CDH4: variants seen among roughly 807,000 people sequenced by gnomAD.
The protein encoded by CDH4 is cadherin 4, also known as cadherin-4.
Under a neutral mutation model 86.0 loss-of-function variants are expected in CDH4, and 33 were observed. The observed-to-expected ratio is 0.38, with a 90% CI of 0.29 to 0.51. CDH4 has a LOEUF of 0.51. CDH4 is among the 20% of genes least tolerant of loss of function. The probability of loss-of-function intolerance (pLI) is 0.86; values close to 1 mark genes in which losing one functional copy is unlikely to be tolerated. For missense variants in CDH4, 1,114 were observed against 1,307.4 expected (o/e 0.85, Z 2.28); for synonymous variants, 555 against 549.4 (o/e 1.01, Z -0.14).
At chr20:61,413,123 C>T (rs2085128398) in intron 2 of CDH4, among the ~76,000 whole-genome samples, 1 of 152,144 alleles carries the variant, frequency 6.6e-6, no homozygotes, top group African/African-American at 2.4e-5. Context: ...TTCATGGCAC[C>T]CAAGGCCCCC....
intron 4 of CDH4, among the ~76,000 whole-genome samples, chr20:61,830,778 G>A (rs1269058069): frequency 2.0e-5 from 3 of 152,314 alleles, no homozygotes; most frequent in South Asian, 4.1e-4. Context: ...ATTTACTTCC[G>A]CTTCTGGGCG....
At chr20:61,476,734 A>T in intron 2 of CDH4, among the ~76,000 whole-genome samples, 1 of 152,210 alleles carries the variant, frequency 6.6e-6, no homozygotes, top group South Asian at 2.1e-4. Context: ...TATCGCTGTA[A>T]ACTTTTCTCA....
At chr20:61,859,426 C>G (rs1983217268) in intron 6 of CDH4, among the ~76,000 whole-genome samples, 1 of 152,220 alleles carries the variant, frequency 6.6e-6, no homozygotes, top group Non-Finnish European at 1.5e-5. Context: ...CATGCTTCCT[C>G]TTACGGAGCA....
chr20:61,850,035 C>A (rs1982642010), intron 5 of CDH4, among the ~76,000 whole-genome samples: 2 of 152,242 alleles, frequency 1.3e-5, no homozygotes, highest in Non-Finnish European at 2.9e-5. Context: ...ACGCTGACGA[C>A]TGTGACACGT....
intron 4 of CDH4, among the ~76,000 whole-genome samples, chr20:61,821,998 G>A (rs913204387): frequency 1.3e-5 from 2 of 152,268 alleles, no homozygotes; most frequent in African/African-American, 4.8e-5. Flanking sequence ...GTTCCACCCA[G>A]CGAGTGATGG....
intron 2 of CDH4, among the ~76,000 whole-genome samples, chr20:61,287,067 C>T (rs922703470): frequency 6.6e-6 from 1 of 152,162 alleles, no homozygotes. Context: ...AGGTCCCCTC[C>T]GTGCCCTGCT....
chr20:61,354,172 G>A (rs75255823), intron 2 of CDH4, among the ~76,000 whole-genome samples: 6 of 152,062 alleles, frequency 3.9e-5, no homozygotes, highest in Non-Finnish European at 5.9e-5. Flanking sequence ...TGCTTAGGAC[G>A]CCCCCCACCC....
At position 61,607,418 on chromosome 20, in the gene CDH4, C is replaced by T. The variant is rs554071467; in HGVS notation, c.170-136145C>T. ...TGTTTGGAAAATACACTTGATGTCT[C>T]ATACCCATTATTTATGATTTTCTCC... is the stretch of plus-strand genomic sequence containing the variant. On this transcript the variant is annotated intron_variant, in intron 2 of 15. Transcript: ENST00000614565. Among the ~76,000 whole-genome samples, 4 of 152,274 alleles carry T rather than the reference C, an allele frequency of 2.6e-5. No homozygotes were observed. In the East Asian group the frequency reaches 5.8e-4, roughly 22 times the overall value.
chr20:61,513,874 A>G (rs2085797930), intron 2 of CDH4, among the ~76,000 whole-genome samples: 1 of 152,038 alleles, frequency 6.6e-6, no homozygotes, highest in African/African-American at 2.4e-5. Context: ...CTGTTACTGA[A>G]CCCATCTGGG....
rs1477314853 is a variant in CDH4 at position 61,380,278 on chromosome 20, A to T, written c.169+125341A>T. 3.9e-5 allele frequency among the ~76,000 whole-genome samples: 6 copies of T among 152,258 alleles called. No homozygotes were observed. The East Asian group carries it at 1.2e-3, about 29-fold the overall frequency. On this transcript the variant is annotated intron_variant, in intron 2 of 15. Coordinates refer to ENST00000614565, the MANE Select transcript of CDH4 (RefSeq NM_001794.5). ...AATCCATCTTACTATACACATTTTA[A>T]TGTTTGCAGCTAAATTAATACCTTT...
intron 8 of CDH4, among the ~76,000 whole-genome samples, chr20:61,901,911 G>A (rs1305397794): frequency 3.3e-5 from 5 of 152,216 alleles, no homozygotes; most frequent in Non-Finnish European, 7.3e-5. Flanking sequence ...GTCCGTCAGA[G>A]GTGGAAGTAA....
rs1568688293 is a variant in CDH4 at position 61,565,188 on chromosome 20, T to TGGTGGTGGTGGTGG, written c.170-178375_170-178374insGGTGGTGGTGGTGG. 2.1e-4 allele frequency among the ~76,000 whole-genome samples: 14 copies of TGGTGGTGGTGGTGG among 67,002 alleles called. 1 individual carries two copies. The highest frequency in any genetic ancestry group is 7.8e-4 in the African/African-American group (12 of 15,294). 44.0% of individuals were successfully genotyped at this position (67,002 alleles called of 152,430 possible). A position where few individuals can be genotyped will look rare whatever the true frequency, so the allele number is the denominator to read the frequency against. On this transcript the variant is annotated intron_variant, in intron 2 of 15. Transcript: ENST00000614565. ...GGTGATGGGGTGGTGGTGGTGGTGG[T>TGGTGGTGGTGGTGG]CCTCTTGGTGGTGGTCGCGGTGCTC...
At chr20:61,339,326 T>C (rs1006146948) in intron 2 of CDH4, among the ~76,000 whole-genome samples, 1 of 152,024 alleles carries the variant, frequency 6.6e-6, no homozygotes, top group Non-Finnish European at 1.5e-5. Context: ...CTGATGGTGA[T>C]GATGATGATG....
chr20:61,376,608 G>A (rs1464998630), intron 2 of CDH4, among the ~76,000 whole-genome samples: 1 of 152,180 alleles, frequency 6.6e-6, no homozygotes, highest in East Asian at 1.9e-4. Context: ...CATGGGGAAA[G>A]GCTAGTCTGG....
chr20:61,414,234 C>T (rs1362452279), intron 2 of CDH4, among the ~76,000 whole-genome samples: 4 of 152,240 alleles, frequency 2.6e-5, no homozygotes, highest in East Asian at 1.9e-4. Context: ...TCCCATGTAA[C>T]GTGGGTTTCC....
At chr20:61,741,316 G>A (rs910467336) in intron 2 of CDH4, among the ~76,000 whole-genome samples, 7 of 152,182 alleles carry the variant, frequency 4.6e-5, no homozygotes, top group African/African-American at 7.2e-5. Flanking sequence ...CTTTGAGGGC[G>A]CTGTCATCAG....
chr20:61,826,649 T>G (rs998434698), intron 4 of CDH4, among the ~76,000 whole-genome samples: 2 of 152,232 alleles, frequency 1.3e-5, no homozygotes, highest in Non-Finnish European at 2.9e-5. Context: ...AGCAAAGACC[T>G]CCACAAATGT....
intron 2 of CDH4, among the ~76,000 whole-genome samples, chr20:61,513,934 A>G (rs939263213): frequency 9.9e-5 from 15 of 152,200 alleles, no homozygotes; most frequent in South Asian, 2.1e-4. Context: ...AAAGTTTCAC[A>G]GCGGGAGAAA....
chr20:61,614,801 C>G (rs1024255805), intron 2 of CDH4, among the ~76,000 whole-genome samples: 1 of 152,158 alleles, frequency 6.6e-6, no homozygotes, highest in African/African-American at 2.4e-5. Flanking sequence ...GGGGCCCGCT[C>G]TTCAGGCTCC....
Sources: allele counts gnomAD v4.1 joint callset (sites outside exome capture counted in the v4.1 genomes callset), GRCh38; gene constraint gnomAD v4.1.1; transcripts MANE v1.5; gene names NCBI Gene and HGNC (gene_info 2026-07-23, HGNC 2026-07-21).